The following CFHR5 variants were observed in gnomAD, a reference collection of about 807,000 sequenced individuals.
CFHR5 encodes complement factor H related 5.
CFHR5 carries 73 observed loss-of-function variants against 62.9 expected under a neutral mutation model. The observed-to-expected ratio is 1.16, with a 90% CI of 0.96 to 1.41. The LOEUF (loss-of-function observed/expected upper bound fraction) is 1.41. Ranked by LOEUF, CFHR5 falls within the 40% of genes most tolerant of loss-of-function variation. The pLI is 0.00. For synonymous variants in CFHR5, 249 were observed against 227.2 expected, an observed-to-expected ratio of 1.10 and a Z score of -0.86; for missense variants, 779 against 679.9, an observed-to-expected ratio of 1.15 and a Z score of -1.62.
intron 8 of CFHR5, among the ~76,000 whole-genome samples, chr1:197,004,206 T>C (rs1006092165): frequency 1.3e-5 from 2 of 152,192 alleles, no homozygotes; most frequent in East Asian, 3.8e-4. Flanking sequence ...ATGCCTACAA[T>C]ATTATTTGGT....
chr1:197,002,395 A>G (rs1215887214), intron 7 of CFHR5, 87 bp from the exon 8 acceptor site: 6 of 898,656 alleles, frequency 6.7e-6, no homozygotes, highest in Non-Finnish European at 1.1e-5. Flanking sequence ...GTGTCATTGA[A>G]TCTTCCATTT....
At chr1:196,989,560 G>C (rs571375631) in intron 3 of CFHR5, among the ~76,000 whole-genome samples, 11 of 152,160 alleles carry the variant, frequency 7.2e-5, no homozygotes, top group African/African-American at 2.7e-4. Context: ...AGAGATTCTG[G>C]TAAGTTGTGG....
chr1:196,996,397 G>A (rs1365442519), intron 6 of CFHR5, among the ~76,000 whole-genome samples, 196 bp downstream of exon 6: 1 of 152,016 alleles, frequency 6.6e-6, no homozygotes, highest in Non-Finnish European at 1.5e-5. Flanking sequence ...TGTTATTACT[G>A]CACAGATTTC....
chr1:196,996,267 T>A, intron 6 of CFHR5, 66 bp downstream of exon 6: 1 of 1,299,018 alleles, frequency 7.7e-7, no homozygotes, highest in Non-Finnish European at 1.1e-6. Context: ...GTATAAAGTG[T>A]ATAAATCTGG....
Position 196,988,284 on chromosome 1 carries a change from T to G in CFHR5, c.430+4147T>G, listed in dbSNP as rs570000222. 5.3e-5 allele frequency among the ~76,000 whole-genome samples: 8 copies of G among 152,130 alleles called. No homozygotes were observed. In the East Asian group the frequency reaches 1.4e-3, roughly 26 times the overall value. ...GAGATTTTGGGCTGAGACGATGGGGTTTTCTAAATATACAATCATGTCATC... is the reference window on the plus strand; with the variant it reads ...GAGATTTTGGGCTGAGACGATGGGGGTTTCTAAATATACAATCATGTCATC... On this transcript the variant is annotated intron_variant, in intron 3 of 9. Coordinates refer to ENST00000256785, the MANE Select transcript of CFHR5 (RefSeq NM_030787.4).
At chr1:196,987,126 T>A (rs1301376463) in intron 3 of CFHR5, among the ~76,000 whole-genome samples, 1 of 152,228 alleles carries the variant, frequency 6.6e-6, no homozygotes, top group African/African-American at 2.4e-5. Flanking sequence ...CCAGTGATGA[T>A]CAGCATTTTT....
chr1:196,991,498 T>C (rs773112646), intron 3 of CFHR5, among the ~76,000 whole-genome samples: 24 of 152,186 alleles, frequency 1.6e-4, no homozygotes, highest in Admixed American at 9.2e-4. Flanking sequence ...CCCATCTTTG[T>C]GGTTTTATCT....
intron 2 of CFHR5, 61 bp from the exon 3 acceptor site, chr1:196,983,900 T>C (rs1361038503): frequency 8.3e-7 from 1 of 1,209,706 alleles, no homozygotes; most frequent in African/African-American, 1.5e-5. Context: ...TAATGAAATA[T>C]TTTTAAATGC....
intron 7 of CFHR5, among the ~76,000 whole-genome samples, chr1:197,002,099 CATTTTT>C (rs1654169050): frequency 6.6e-6 from 1 of 151,918 alleles, no homozygotes; most frequent in Non-Finnish European, 1.5e-5. Context: ...TGATTGTTGT[CATTTTT>C]ATTTTTAAAT....
chr1:196,976,401 G>A (rs914900320), upstream of CFHR5, among the ~76,000 whole-genome samples: 3 of 151,912 alleles, frequency 2.0e-5, no homozygotes, highest in Non-Finnish European at 4.4e-5. Context: ...TAGGATCCTC[G>A]GGCATGGACC....
chr1:196,986,772 C>T (rs1037165639), intron 3 of CFHR5, among the ~76,000 whole-genome samples: 19 of 151,972 alleles, frequency 1.3e-4, no homozygotes, highest in African/African-American at 1.9e-4. Flanking sequence ...CTATCACTTA[C>T]GGACATTTGG....
chr1:196,989,561 T>C lies in CFHR5; in HGVS notation c.431-4519T>C, dbSNP rs140367267. Among the ~76,000 whole-genome samples the C allele has an allele frequency of 3.3e-5, 5 of 152,322 alleles. 1 individual carries two copies. Among genetic ancestry groups the C allele is most frequent in the African/African-American group, 1.2e-4 (5 of 41,560 alleles). On this transcript the variant is annotated intron_variant, in intron 3 of 9. Transcript: ENST00000256785. ...TTTAAATGTGTCCCAGAGATTCTGGTAAGTTGTGGCTTTGTTCTCCTTGGT... is the reference window on the plus strand; with the variant it reads ...TTTAAATGTGTCCCAGAGATTCTGGCAAGTTGTGGCTTTGTTCTCCTTGGT...
In CFHR5 at chr1:196,995,861, G is replaced by C; in HGVS notation, c.752G>C (p.Cys251Ser). The change falls in exon 5 of 10, where the codon TGT (cysteine) becomes TCT (serine). Residue 251 changes from cysteine (C) to serine (S), a missense_variant. Transcript: ENST00000256785. ...FIINGPKKIQ[C>S]VDGEWTTLPT... is the part of the protein sequence containing the mutation. ...ATAAACGGGCCTAAGAAAATACAAT[G>C]TGTGGATGGAGAATGGACAACTTTA... 1 of 1,613,366 alleles carries C rather than the reference G, an allele frequency of 6.2e-7. No homozygotes were observed. Among genetic ancestry groups the C allele is most frequent in the Non-Finnish European group, 8.5e-7 (1 of 1,179,464 alleles).
intron 1 of CFHR5, among the ~76,000 whole-genome samples, chr1:196,978,766 A>G (rs1279781300): frequency 3.3e-5 from 5 of 152,120 alleles, no homozygotes; most frequent in African/African-American, 1.2e-4. Flanking sequence ...TGTGTTTATG[A>G]TATTTATTAA....
At position 197,008,596 on chromosome 1, in the gene CFHR5, T is replaced by G; in HGVS notation, c.1623T>G (p.Cys541Trp). Reference sequence around the variant, plus strand: ...CAGGGGATGCTGTTGAATTCCAGTGTAAATTCCCACATAAAGCGATGATAT... The same window carrying G: ...CAGGGGATGCTGTTGAATTCCAGTGGAAATTCCCACATAAAGCGATGATAT... ...AKTGDAVEFQCKFPHKAMISS... is the reference protein window; with the variant it reads ...AKTGDAVEFQWKFPHKAMISS... The change falls in exon 10 of 10, where the codon TGT becomes TGG. Residue 541 changes from cysteine (C) to tryptophan (W), a missense_variant. Physicochemically the swap from Cys to Trp is radical, Grantham distance 215. Coordinates refer to ENST00000256785, the MANE Select transcript of CFHR5 (RefSeq NM_030787.4). The G allele has an allele frequency of 6.2e-7, 1 of 1,613,828 alleles. No individual in the cohort carries two copies. Among genetic ancestry groups the G allele is most frequent in the Non-Finnish European group, 8.5e-7 (1 of 1,179,800 alleles).
intron 9 of CFHR5, among the ~76,000 whole-genome samples, 184 bp from the exon 10 acceptor site, chr1:197,008,303 T>C (rs981903467): frequency 6.6e-6 from 1 of 151,596 alleles, no homozygotes; most frequent in African/African-American, 2.4e-5. Context: ...TTTCCTCATA[T>C]GTAGCCCATA....
At chr1:197,004,923 CCTTA>C in intron 9 of CFHR5, 80 bp downstream of exon 9, 1 of 1,077,344 alleles carries the variant, frequency 9.3e-7, no homozygotes, top group Non-Finnish European at 1.4e-6. Flanking sequence ...ATAGAATAAC[CCTTA>C]CTTAAGTTTC....
intron 2 of CFHR5, among the ~76,000 whole-genome samples, chr1:196,983,682 T>C (rs1008607370): frequency 1.3e-5 from 2 of 152,146 alleles, no homozygotes; most frequent in Admixed American, 1.3e-4. Flanking sequence ...GCGAGAAATA[T>C]TTATATGAAG....
At chr1:196,996,949 G>A (rs1021411751) in intron 6 of CFHR5, among the ~76,000 whole-genome samples, 1 of 152,028 alleles carries the variant, frequency 6.6e-6, no homozygotes, top group African/African-American at 2.4e-5. Flanking sequence ...AGGACTTCCA[G>A]CCTTGACACT....
Sources: allele counts gnomAD v4.1 joint callset (sites outside exome capture counted in the v4.1 genomes callset), GRCh38; gene constraint gnomAD v4.1.1; transcripts MANE v1.5; gene names NCBI Gene and HGNC (gene_info 2026-07-23, HGNC 2026-07-21).